The following MSRA variants were observed in gnomAD, a reference collection of about 807,000 sequenced individuals.
The protein encoded by MSRA is methionine sulfoxide reductase A.
MSRA carries 54 observed loss-of-function variants against 31.3 expected under a neutral mutation model. The observed-to-expected ratio is 1.73, with a 90% CI of 1.39 to 2.17. MSRA has a LOEUF of 2.17. MSRA is among the 30% of genes most tolerant of loss of function. MSRA has a pLI of 0.00. For synonymous variants in MSRA, 169 were observed against 116.5 expected, an observed-to-expected ratio of 1.45 and a Z score of -2.90; for missense variants, 507 against 300.9, an observed-to-expected ratio of 1.69 and a Z score of -5.07.
chr8:10,142,036 G>A (rs965963170), intron 1 of MSRA, among the ~76,000 whole-genome samples: 4 of 152,172 alleles, frequency 2.6e-5, no homozygotes, highest in Admixed American at 2.6e-4. Context: ...TTGGCTCACC[G>A]CAACCTCTGC....
rs376556192 is a variant in MSRA, at chr8:10,166,370, G to A, written c.143-41463G>A. 1.4e-4 allele frequency among the ~76,000 whole-genome samples: 22 copies of A among 152,260 alleles called. No homozygotes were observed. The East Asian group carries it at 4.2e-3, about 29-fold the overall frequency. ...TGTGTTTGCATAACTGCATGCACGT[G>A]TATGCATTTGTATGATAGTGTGTGC... On this transcript the variant is annotated intron_variant, in intron 1 of 5. Coordinates refer to ENST00000317173, the MANE Select transcript of MSRA (RefSeq NM_012331.5).
intron 3 of MSRA, among the ~76,000 whole-genome samples, chr8:10,249,260 T>G (rs1402296928): frequency 6.6e-6 from 1 of 152,206 alleles, no homozygotes; most frequent in Non-Finnish European, 1.5e-5. Flanking sequence ...TAATTCTTAT[T>G]TAGAATTCAA....
rs544676641 is a variant in MSRA at position 10,150,925 on chromosome 8, G to C, written c.143-56908G>C. 1.9e-4 allele frequency among the ~76,000 whole-genome samples: 29 copies of C among 152,216 alleles called. No individual in the cohort carries two copies. The South Asian group carries it at 4.8e-3, about 25-fold the overall frequency. ...TTTATATATCAGTAAGGTGTGGCGTGGACAGACCCGTGTCGCTCCCTGGAC... is the reference window on the plus strand; with the variant it reads ...TTTATATATCAGTAAGGTGTGGCGTCGACAGACCCGTGTCGCTCCCTGGAC... On this transcript the variant is annotated intron_variant, in intron 1 of 5. Coordinates refer to ENST00000317173, the MANE Select transcript of MSRA (RefSeq NM_012331.5).
intron 3 of MSRA, among the ~76,000 whole-genome samples, chr8:10,249,278 C>A (rs900559877): frequency 6.6e-6 from 1 of 152,132 alleles, no homozygotes; most frequent in Non-Finnish European, 1.5e-5. Context: ...CAATAAAATG[C>A]CTCTCTGAGA....
intron 3 of MSRA, among the ~76,000 whole-genome samples, chr8:10,277,751 T>C (rs532376801): frequency 1.3e-5 from 2 of 152,344 alleles, no homozygotes; most frequent in South Asian, 4.1e-4. Context: ...TATTAGCTTA[T>C]AATTTTTTGT....
intron 2 of MSRA, among the ~76,000 whole-genome samples, chr8:10,214,094 T>A (rs1271851194): frequency 6.6e-6 from 1 of 152,176 alleles, no homozygotes. Context: ...TCAGATTCTC[T>A]GAAGATTCTT....
intron 2 of MSRA, among the ~76,000 whole-genome samples, chr8:10,236,416 A>G (rs1388224667): frequency 1.3e-5 from 2 of 152,222 alleles, no homozygotes; most frequent in Non-Finnish European, 2.9e-5. Context: ...GGCTGTATGG[A>G]AGGTATACTA....
chr8:10,284,758 C>G (rs950177712), intron 3 of MSRA, among the ~76,000 whole-genome samples: 13 of 152,092 alleles, frequency 8.5e-5, no homozygotes, highest in Admixed American at 6.6e-5. Flanking sequence ...GCCATGTAAC[C>G]TCTCTGTGCC....
At chr8:10,135,255 C>G (rs1262743027) in intron 1 of MSRA, among the ~76,000 whole-genome samples, 18 of 152,206 alleles carry the variant, frequency 1.2e-4, no homozygotes, top group Admixed American at 1.2e-3. Context: ...TGGGGGTTGC[C>G]TATTTTATAG....
intron 1 of MSRA, among the ~76,000 whole-genome samples, chr8:10,074,695 G>A (rs757533953): frequency 5.3e-5 from 8 of 151,494 alleles, no homozygotes; most frequent in Non-Finnish European, 1.0e-4. Context: ...GTCTTGCTCT[G>A]TTGCTGAGGC....
chr8:10,356,785 C>G (rs1389801268), intron 5 of MSRA, among the ~76,000 whole-genome samples: 2 of 151,268 alleles, frequency 1.3e-5, no homozygotes, highest in African/African-American at 4.9e-5. Context: ...GAAATAAATT[C>G]GTGTTGTTCA....
intron 2 of MSRA, among the ~76,000 whole-genome samples, chr8:10,239,031 C>G (rs888477261): frequency 9.2e-5 from 14 of 151,996 alleles, no homozygotes; most frequent in African/African-American, 3.4e-4. Flanking sequence ...ATAAAAATTG[C>G]AACAAACCAA....
intron 3 of MSRA, among the ~76,000 whole-genome samples, chr8:10,256,276 A>C (rs1798174134): frequency 6.6e-6 from 1 of 151,930 alleles, no homozygotes; most frequent in Non-Finnish European, 1.5e-5. Context: ...TTAAGTTTCC[A>C]CCCTGTCTTT....
At chr8:10,071,426 T>G (rs2128918312) in intron 1 of MSRA, among the ~76,000 whole-genome samples, 1 of 152,064 alleles carries the variant, frequency 6.6e-6, no homozygotes, top group Non-Finnish European at 1.5e-5. Context: ...TGTAAATATT[T>G]TCTTCTAGGC....
chr8:10,257,627 C>G (rs776673876), intron 3 of MSRA, among the ~76,000 whole-genome samples: 2 of 152,090 alleles, frequency 1.3e-5, no homozygotes, highest in Non-Finnish European at 2.9e-5. Context: ...AGGCTGGTCT[C>G]AAACTCCTGA....
chr8:10,398,317 C>A (rs1439065489), intron 5 of MSRA, among the ~76,000 whole-genome samples: 1 of 152,184 alleles, frequency 6.6e-6, no homozygotes, highest in African/African-American at 2.4e-5. Flanking sequence ...CTGGATTCTG[C>A]CTTTATGTAA....
intron 1 of MSRA, among the ~76,000 whole-genome samples, chr8:10,198,113 C>G (rs796127699): frequency 7.2e-5 from 11 of 152,106 alleles, no homozygotes; most frequent in African/African-American, 2.6e-4. Context: ...GCGTTGCTTT[C>G]AGTTTTTTTT....
At chr8:10,126,954 C>T (rs1211552542) in intron 1 of MSRA, among the ~76,000 whole-genome samples, 2 of 151,754 alleles carry the variant, frequency 1.3e-5, no homozygotes, top group Non-Finnish European at 2.9e-5. Context: ...GCTCACCTGC[C>T]ACTCACCTCC....
chr8:10,055,970 T>G (rs1335109120), intron 1 of MSRA, among the ~76,000 whole-genome samples: 1 of 152,116 alleles, frequency 6.6e-6, no homozygotes, highest in East Asian at 1.9e-4. Flanking sequence ...GATTGAGTTT[T>G]GAAACAAATC....
Sources: gnomAD v4.1 joint callset for allele counts (sites outside exome capture counted in the v4.1 genomes callset) on GRCh38, gnomAD v4.1.1 for gene constraint, MANE v1.5 for transcripts, NCBI Gene and HGNC (gene_info 2026-07-23, HGNC 2026-07-21) for gene names.